The following PTPRK variants were observed in gnomAD, a reference collection of about 807,000 sequenced individuals.
The protein encoded by PTPRK is receptor-type tyrosine-protein phosphatase kappa.
A neutral mutation model predicts 178.0 loss-of-function variants in PTPRK; 75 were observed. The ratio of observed to expected loss-of-function variants is 0.42; its 90% CI spans 0.35 to 0.51. The LOEUF (loss-of-function observed/expected upper bound fraction) is 0.51. PTPRK is among the 20% of genes least tolerant of loss of function. PTPRK has a pLI of 0.02. For missense variants in PTPRK, 1,441 were observed against 1,797.8 expected (o/e 0.80, Z 3.59); for synonymous variants, 637 against 620.6 (o/e 1.03, Z -0.39).
At chr6:128,496,939 G>T (rs1474445420) in intron 1 of PTPRK, among the ~76,000 whole-genome samples, 3 of 152,090 alleles carry the variant, frequency 2.0e-5, no homozygotes, top group Non-Finnish European at 4.4e-5. Flanking sequence ...ACCAAAGAAG[G>T]CCAAGTTGTT....
chr6:128,365,617 A>G (rs1835372381), intron 2 of PTPRK, among the ~76,000 whole-genome samples: 1 of 152,108 alleles, frequency 6.6e-6, no homozygotes. Context: ...CATGGTGTGC[A>G]TAGCTTCAGC....
chr6:128,100,128 T>A (rs570039429), intron 7 of PTPRK, among the ~76,000 whole-genome samples: 4 of 151,994 alleles, frequency 2.6e-5, no homozygotes, highest in African/African-American at 9.6e-5. Flanking sequence ...ACAAAAAGAA[T>A]TACAAAACTG....
At chr6:128,261,786 T>G (rs1021911073) in intron 3 of PTPRK, among the ~76,000 whole-genome samples, 1 of 152,116 alleles carries the variant, frequency 6.6e-6, no homozygotes, top group Non-Finnish European at 1.5e-5. Flanking sequence ...TTTGACAAAT[T>G]TGGGCAATAG....
chr6:128,478,805 A>G (rs17055907), intron 1 of PTPRK, among the ~76,000 whole-genome samples: 42,269 of 152,078 alleles, frequency 0.28, 6,745 homozygotes, highest in African/African-American at 0.43. Flanking sequence ...ATAAAGAAGC[A>G]TCTCCAGTTT....
chr6:128,405,407 G>A (rs1841534678), intron 1 of PTPRK, among the ~76,000 whole-genome samples: 1 of 152,140 alleles, frequency 6.6e-6, no homozygotes, highest in South Asian at 2.1e-4. Context: ...TCATTAGTGA[G>A]TATATTTACC....
At chr6:128,078,762 G>C (rs1398494960) in intron 11 of PTPRK, 51 bp downstream of exon 11, 1 of 1,337,784 alleles carries the variant, frequency 7.5e-7, no homozygotes, top group African/African-American at 1.5e-5. Context: ...GGCATCTTGG[G>C]ATGTACATAC....
chr6:128,298,866 T>C (rs1310500713), intron 3 of PTPRK, among the ~76,000 whole-genome samples: 139 of 152,092 alleles, frequency 9.1e-4, no homozygotes, highest in Middle Eastern at 3.4e-3. Context: ...GAAGTTCTGG[T>C]CAGGGCAATT....
Position 127,985,625 on chromosome 6 carries a change from G to C in PTPRK, c.3251+96C>G, listed in dbSNP as rs530952360. The C allele has an allele frequency of 4.5e-6, 6 of 1,327,494 alleles. No individual in the cohort carries two copies. In the East Asian group the frequency reaches 9.5e-5, roughly 21 times the overall value. The allele number at this position is 1,327,494 out of a possible 1,614,324, so 82.2% of individuals were successfully genotyped here. On this transcript the variant is annotated intron_variant, in intron 22 of 29. Transcript: ENST00000368226. Reference sequence around the variant, plus strand: ...TATAATACAAGCAAGCTGGAACTTCGTAAGCACACATTAGTTTTTGTGCTC... The same window carrying C: ...TATAATACAAGCAAGCTGGAACTTCCTAAGCACACATTAGTTTTTGTGCTC...
chr6:127,985,997 C>T, intron 21 of PTPRK, 122 bp from the exon 22 acceptor site: 1 of 916,536 alleles, frequency 1.1e-6, no homozygotes, highest in Admixed American at 3.2e-5. Context: ...TTACGAAAGA[C>T]TATGCCTTTT....
At chr6:128,184,307 T>C (rs1802406721) in intron 7 of PTPRK, 125 bp downstream of exon 7, 4 of 997,478 alleles carry the variant, frequency 4.0e-6, no homozygotes, top group South Asian at 1.7e-5. Context: ...ATGTAATTCA[T>C]TGGAACTCTT....
chr6:128,164,173 A>G (rs147326195), intron 7 of PTPRK, among the ~76,000 whole-genome samples: 28 of 151,588 alleles, frequency 1.8e-4, no homozygotes, highest in African/African-American at 6.5e-4. Flanking sequence ...TTGTGTTTAC[A>G]CATAAATATC....
intron 14 of PTPRK, among the ~76,000 whole-genome samples, chr6:128,006,856 T>A (rs2114710930): frequency 6.6e-6 from 1 of 151,044 alleles, no homozygotes; most frequent in South Asian, 2.1e-4. Flanking sequence ...ATACATATCC[T>A]TAGCTGTAAA....
chr6:128,474,646 C>A (rs539118504), intron 1 of PTPRK, among the ~76,000 whole-genome samples: 138 of 152,194 alleles, frequency 9.1e-4, no homozygotes, highest in Admixed American at 3.0e-3. Context: ...CTCACAAGTG[C>A]CTCAGGCAGA....
intron 13 of PTPRK, among the ~76,000 whole-genome samples, chr6:128,064,349 T>C (rs1371722440): frequency 6.6e-6 from 1 of 152,220 alleles, no homozygotes; most frequent in Non-Finnish European, 1.5e-5. Context: ...TCTCTATCCC[T>C]ATAATCTTAT....
intron 5 of PTPRK, among the ~76,000 whole-genome samples, chr6:128,229,182 G>C (rs1403690480): frequency 6.6e-6 from 1 of 152,162 alleles, no homozygotes; most frequent in Non-Finnish European, 1.5e-5. Context: ...CTAAGTAGAA[G>C]AAAGTATATT....
intron 2 of PTPRK, among the ~76,000 whole-genome samples, chr6:128,356,310 C>A (rs1833955499): frequency 6.6e-6 from 1 of 152,170 alleles, no homozygotes; most frequent in African/African-American, 2.4e-5. Flanking sequence ...TTTCTTTAAT[C>A]GAGCTTATTG....
intron 2 of PTPRK, among the ~76,000 whole-genome samples, chr6:128,393,289 C>T (rs1009948462): frequency 3.3e-5 from 5 of 151,964 alleles, no homozygotes; most frequent in African/African-American, 1.2e-4. Flanking sequence ...CGGGGTTTCA[C>T]CATGTTGCTC....
At chr6:127,976,043 A>G (rs1774539905) in intron 27 of PTPRK, among the ~76,000 whole-genome samples, 1 of 152,086 alleles carries the variant, frequency 6.6e-6, no homozygotes, top group Admixed American at 6.6e-5. Flanking sequence ...GCAAATGAGG[A>G]GTCAGAGAAA....
At chr6:128,441,101 G>GA (rs770013989) in intron 1 of PTPRK, among the ~76,000 whole-genome samples, 17 of 151,914 alleles carry the variant, frequency 1.1e-4, no homozygotes, top group African/African-American at 1.7e-4. Context: ...TCTTAGAGGT[G>GA]AAAAAAATGA....
Sources: allele counts gnomAD v4.1 joint callset (sites outside exome capture counted in the v4.1 genomes callset), GRCh38; gene constraint gnomAD v4.1.1; transcripts MANE v1.5; gene names NCBI Gene and HGNC (gene_info 2026-07-23, HGNC 2026-07-21).